The following DHX34 variants were observed in gnomAD, a reference collection of about 807,000 sequenced individuals.
DHX34 encodes probable ATP-dependent RNA helicase DHX34.
A neutral mutation model predicts 111.1 loss-of-function variants in DHX34; 96 were observed. The ratio of observed to expected loss-of-function variants is 0.86; its 90% CI spans 0.73 to 1.02. DHX34 has a LOEUF of 1.02. DHX34 is among the 50% of genes least tolerant of loss of function. The pLI is 0.00. For synonymous variants in DHX34, 688 were observed against 670.4 expected, an observed-to-expected ratio of 1.03 and a Z score of -0.41; for missense variants, 1,560 against 1,579.9, an observed-to-expected ratio of 0.99 and a Z score of 0.21.
At chr19:47,356,980 GTTTTTGTTTTTTGT>G (rs747317720) in intron 3 of DHX34, among the ~76,000 whole-genome samples, 2 of 152,220 alleles carry the variant, frequency 1.3e-5, no homozygotes, top group East Asian at 1.9e-4. Flanking sequence ...GTTTTCTAGG[GTTTTTGTTTTTTGT>G]TTTTTGTTTT....
chr19:47,367,845 G>A (rs532263770), intron 7 of DHX34, among the ~76,000 whole-genome samples: 2 of 142,568 alleles, frequency 1.4e-5, no homozygotes, highest in Admixed American at 1.5e-4. Flanking sequence ...GCAGTGAGCC[G>A]AGACCATGCC....
In DHX34 at chr19:47,354,902, C is replaced by T. The variant is rs555574942; in HGVS notation, c.706-137C>T. 2,077 of 1,465,834 alleles carry T rather than the reference C, an allele frequency of 1.4e-3. 5 individuals carry two copies. Among genetic ancestry groups the T allele is most frequent in the Non-Finnish European group, 1.8e-3 (1,959 of 1,106,056 alleles). The allele number at this position is 1,465,834 out of a possible 1,614,324, so 90.8% of individuals were successfully genotyped here. A position where few individuals can be genotyped will look rare whatever the true frequency, so the allele number is the denominator to read the frequency against. ...CTCCCTACCTCAGGTGATCCGCCCG[C>T]CTCTGCCTCCCAAAGTGCTGGGATT... On this transcript the variant is annotated intron_variant, in intron 2 of 16. Transcript: ENST00000328771.
chr19:47,353,164 G>A lies in DHX34; in HGVS notation c.134G>A (p.Arg45His), dbSNP rs200529916. 20 of 1,614,158 alleles carry A rather than the reference G, an allele frequency of 1.2e-5. No homozygotes were observed. Among genetic ancestry groups the A allele is most frequent in the South Asian group, 2.2e-5 (2 of 91,078 alleles). ...CGCCTCTTGGAAGATGCCTTCTTCC[G>A]TGAAGAGGATTACATCCGTCAGGGT... is the stretch of plus-strand genomic sequence containing the variant. ...TRRLLEDAFF[R>H]EEDYIRQGSE... The change falls in exon 2 of 17, where the codon CGT (arginine) becomes CAT (histidine). Residue 45 changes from arginine (R) to histidine (H), a missense_variant. Arg to His is a conservative substitution (Grantham distance 29). Coordinates refer to ENST00000328771, the MANE Select transcript of DHX34 (RefSeq NM_014681.6). This position sits in a 1 kb window ranked among gnomAD's most constrained non-coding sequence, Gnocchi z 4.6.
At chr19:47,375,775 CCCAGGGGACATGGCCCTGTCCTCA>C in intron 10 of DHX34, 67 bp downstream of exon 10, 1 of 1,560,308 alleles carries the variant, frequency 6.4e-7, no homozygotes, top group Admixed American at 2.2e-5. Flanking sequence ...CTGGGGGGGT[CCCAGGGGACATGGCCCTGTCCTCA>C]TTTCAGGAGC....
At chr19:47,380,564 G>T (rs1970320088) in intron 14 of DHX34, 1 of 947,028 alleles carries the variant, frequency 1.1e-6, no homozygotes, top group Non-Finnish European at 1.3e-6. Context: ...CTCAAGGTCT[G>T]AATGGGGTCC....
chr19:47,379,562 G>A (rs1321379644), intron 13 of DHX34, 148 bp from the exon 14 acceptor site: 7 of 1,465,824 alleles, frequency 4.8e-6, no homozygotes, highest in South Asian at 1.4e-5. Context: ...CCGAAGGGGT[G>A]CCTGGTACAG....
Position 47,359,983 on chromosome 19 carries a change from C to G in DHX34, c.1288C>G (p.Pro430Ala), listed in dbSNP as rs750416555. 16 of 1,613,996 alleles carry G rather than the reference C, an allele frequency of 9.9e-6. No homozygotes were observed. In the South Asian group the frequency reaches 1.2e-4, roughly 12 times the overall value. ...ADQDKVFDVA[P>A]PGVRKCILST... ...TTCCTCCCAGGTATTTGATGTGGCACCCCCTGGAGTCCGGAAATGCATCCT... is the reference window on the plus strand; with the variant it reads ...TTCCTCCCAGGTATTTGATGTGGCAGCCCCTGGAGTCCGGAAATGCATCCT... Residue 430 changes from proline (P) to alanine (A), a missense_variant, in exon 5 of 17, where the codon CCC becomes GCC. By Grantham distance (27) the Pro-to-Ala change is conservative. Coordinates refer to ENST00000328771, the MANE Select transcript of DHX34 (RefSeq NM_014681.6).
At chr19:47,381,023 G>T (rs1387042207) in intron 15 of DHX34, 31 bp downstream of exon 15, 1 of 1,542,506 alleles carries the variant, frequency 6.5e-7, no homozygotes, top group Non-Finnish European at 8.7e-7. Flanking sequence ...CCTGAAGGTG[G>T]GATTTCAGGA....
chr19:47,370,447 G>T (rs111458571), intron 7 of DHX34, among the ~76,000 whole-genome samples: 1 of 152,126 alleles, frequency 6.6e-6, no homozygotes, highest in Non-Finnish European at 1.5e-5. Context: ...CACCCCTCCC[G>T]GGGAGCTCAC....
intron 13 of DHX34, among the ~76,000 whole-genome samples, chr19:47,379,144 T>C (rs1035408117): frequency 1.0e-4 from 11 of 105,710 alleles, no homozygotes; most frequent in Admixed American, 3.5e-4. Flanking sequence ...ATAAATAAAT[T>C]AATAATAATA....
intron 7 of DHX34, among the ~76,000 whole-genome samples, chr19:47,372,160 A>G (rs886567512): frequency 4.6e-5 from 7 of 150,692 alleles, no homozygotes; most frequent in Non-Finnish European, 8.9e-5. Flanking sequence ...CCCCTGCCCC[A>G]TCTTTCTCCA....
rs764820314 is a variant in DHX34 at position 47,375,553 on chromosome 19, C to T, written c.2152C>T (p.Arg718Cys). 3.2e-5 allele frequency: 49 copies of T among 1,550,566 alleles called. No homozygotes were observed. The highest frequency in any genetic ancestry group is 1.8e-4 in the African/African-American group (13 of 73,416). The change falls in exon 10 of 17, where the codon CGC becomes TGC. Residue 718 changes from arginine to cysteine, a missense_variant. Arg to Cys is a radical substitution (Grantham distance 180, BLOSUM62 -3). Transcript: ENST00000328771. ...SYSRLQQRRERRALHQLKRQH... is the reference protein window; with the variant it reads ...SYSRLQQRRECRALHQLKRQH... The stretch of plus-strand genomic sequence containing the variant: ...CAGTCGGTTGCAGCAGCGCCGGGAG[C>T]GCCGGGCCCTGCACCAGCTGAAACG...
At chr19:47,362,032 C>T (rs991650537) in intron 5 of DHX34, among the ~76,000 whole-genome samples, 2 of 151,928 alleles carry the variant, frequency 1.3e-5, no homozygotes, top group South Asian at 4.2e-4. Context: ...CGCTTGTAAC[C>T]CCATCACTTT....
Position 47,373,670 on chromosome 19 carries a change from C to G in DHX34, c.2034C>G (p.Tyr678Ter). Residue 678 changes from tyrosine (Y) to a stop codon, truncating the protein, a stop_gained, in exon 9 of 17, where the codon TAC becomes TAG. Transcript: ENST00000328771. LOFTEE classifies it high-confidence loss of function. The part of the protein sequence containing the change: ...RRRGIEEHRL[Y>*]EMANLRRQFK... ...GGGGCATAGAGGAGCATCGACTGTACGAAATGGCCAACCTTCGGCGCCAGT... is the reference window on the plus strand; with the variant it reads ...GGGGCATAGAGGAGCATCGACTGTAGGAAATGGCCAACCTTCGGCGCCAGT... 1.2e-6 allele frequency: 2 copies of G among 1,614,024 alleles called. No homozygotes were observed. Among genetic ancestry groups the G allele is most frequent in the Non-Finnish European group, 1.7e-6 (2 of 1,179,962 alleles).
rs747179519 is a variant in DHX34 at position 47,367,170 on chromosome 19, C to A, written c.1768+15C>A. On this transcript the variant is annotated intron_variant, in intron 7 of 16. Coordinates refer to ENST00000328771, the MANE Select transcript of DHX34 (RefSeq NM_014681.6). ...CGTTGTGATTGGTGAGTACCCACCC[C>A]CCTCCTGATCACTCAGGGCCCCAGG... 12 of 1,466,660 alleles carry A rather than the reference C, an allele frequency of 8.2e-6. No homozygotes were observed. Among genetic ancestry groups the A allele is most frequent in the Admixed American group, 2.5e-5 (1 of 39,872 alleles). 90.9% of individuals were successfully genotyped at this position (1,466,660 alleles called of 1,614,324 possible). A position where few individuals can be genotyped will look rare whatever the true frequency, so the allele number is the denominator to read the frequency against.
intron 7 of DHX34, among the ~76,000 whole-genome samples, chr19:47,371,599 TTTG>T (rs1969967906): frequency 6.6e-6 from 1 of 152,132 alleles, no homozygotes; most frequent in African/African-American, 2.4e-5. Flanking sequence ...GCCAGCTTTT[TTTG>T]TTTGTTTGGT....
intron 5 of DHX34, 147 bp from the exon 6 acceptor site, chr19:47,362,329 C>A: frequency 1.7e-6 from 2 of 1,154,514 alleles, no homozygotes; most frequent in Non-Finnish European, 2.2e-6. Context: ...AACAAAATGT[C>A]AGAGTTGGGC....
chr19:47,367,883 G>A (rs1471364942), intron 7 of DHX34, among the ~76,000 whole-genome samples: 1 of 126,484 alleles, frequency 7.9e-6, no homozygotes, highest in African/African-American at 3.2e-5. Flanking sequence ...GCGACAGAGC[G>A]AGACTCCATC....
chr19:47,376,766 G>A (rs866404859), intron 12 of DHX34: 1 of 1,459,962 alleles, frequency 6.8e-7, no homozygotes, highest in South Asian at 1.4e-5. Flanking sequence ...CCGCATGGTG[G>A]TGATAGTCAA....
Sources: allele counts gnomAD v4.1 joint callset (sites outside exome capture counted in the v4.1 genomes callset), GRCh38; gene constraint gnomAD v4.1.1; non-coding constraint Gnocchi (gnomAD v3.1); transcripts MANE v1.5; gene names NCBI Gene and HGNC (gene_info 2026-07-23, HGNC 2026-07-21).